Variants in PRSS16 observed in about 807,000 individuals in gnomAD.
PRSS16 encodes the protein thymus-specific serine protease.
PRSS16 carries 43 observed loss-of-function variants against 61.7 expected under a neutral mutation model. That is an observed-to-expected ratio of 0.70 (90% CI 0.55 to 0.90). The LOEUF (loss-of-function observed/expected upper bound fraction) is 0.90, where lower values mean the gene tolerates loss of function less well. Among genes scored for constraint, PRSS16 ranks in the 40% least tolerant of loss-of-function variants. PRSS16 has a pLI of 0.00. For synonymous variants in PRSS16, 273 were observed against 285.2 expected (o/e 0.96, Z 0.43); for missense variants, 591 against 659.1 (o/e 0.90, Z 1.13).
chr6:27,249,716 C>A (rs979974154), intron 4 of PRSS16, among the ~76,000 whole-genome samples: 46 of 152,198 alleles, frequency 3.0e-4, no homozygotes, highest in African/African-American at 1.0e-3. Context: ...TTTACAGTCG[C>A]CATGGAGTCC....
chr6:27,251,141 T>C lies in PRSS16; in HGVS notation c.669+22T>C. 1 of 1,614,020 alleles carries C rather than the reference T, an allele frequency of 6.2e-7. No homozygotes were observed. Among genetic ancestry groups the C allele is most frequent in the Non-Finnish European group, 8.5e-7 (1 of 1,180,024 alleles). On this transcript the variant is annotated intron_variant, in intron 6 of 11. Transcript: ENST00000230582. This position sits in a 1 kb window ranked among gnomAD's most constrained non-coding sequence, Gnocchi z 5.6. The stretch of plus-strand genomic sequence containing the variant: ...TGACGTAAGGATGGCGGGCAGCAGG[T>C]GCGGGACGGGGAGGGGTCCCAGCGG...
rs1216737510 is a variant in PRSS16 at position 27,247,778 on chromosome 6, T to C, written c.41T>C (p.Leu14Ser). 2 of 1,602,308 alleles carry C rather than the reference T, an allele frequency of 1.2e-6. No individual in the cohort carries two copies. Among genetic ancestry groups the C allele is most frequent in the Non-Finnish European group, 1.7e-6 (2 of 1,174,704 alleles). The stretch of plus-strand genomic sequence containing the variant: ...GCCCAGTGGCTGGGCCCTCTGCTCT[T>C]GGTTTCCCTCTGGGGACTCTTGGCT... ...WLAQWLGPLLLVSLWGLLAPA... is the reference protein window; with the variant it reads ...WLAQWLGPLLSVSLWGLLAPA... Residue 14 changes from leucine to serine, a missense_variant, in exon 1 of 12, where the codon TTG (leucine) becomes TCG (serine). Transcript: ENST00000230582.
Position 27,251,828 on chromosome 6 carries a change from C to G in PRSS16, c.796C>G (p.Arg266Gly). The G allele has an allele frequency of 6.2e-7, 1 of 1,611,744 alleles. No homozygotes were observed. The highest frequency in any genetic ancestry group is 8.5e-7 in the Non-Finnish European group (1 of 1,179,520). The change falls in exon 8 of 12, where the codon CGG becomes GGG. Residue 266 changes from arginine (R) to glycine (G), a missense_variant. Coordinates refer to ENST00000230582, the MANE Select transcript of PRSS16 (RefSeq NM_005865.4). This position sits in a 1 kb window ranked among gnomAD's most constrained non-coding sequence, Gnocchi z 5.6. Reference protein sequence around the residue: ...RSGGAAQAALRTELSACGPLG... With the variant: ...RSGGAAQAALGTELSACGPLG... Reference sequence around the variant, plus strand: ...GGGTGGGGCGGCTCAAGCAGCATTGCGGACGGAGCTGAGCGCTTGCGGGCC... The same window carrying G: ...GGGTGGGGCGGCTCAAGCAGCATTGGGGACGGAGCTGAGCGCTTGCGGGCC...
At position 27,249,136 on chromosome 6, in the gene PRSS16, TG is replaced by T; in HGVS notation, c.376del (p.Val126Ter). 1 of 1,593,368 alleles carries T rather than the reference TG, an allele frequency of 6.3e-7. No individual in the cohort carries two copies. Among genetic ancestry groups the T allele is most frequent in the Non-Finnish European group, 8.5e-7 (1 of 1,174,120 alleles). On this transcript the variant is annotated frameshift_variant, in exon 4 of 12. Transcript: ENST00000230582. LOFTEE classifies it high-confidence loss of function. ...PAALAPAWGA[L>X]VISLEHRFYG... is the part of the protein sequence containing the mutation. ...GCCTTGGCCCCAGCCTGGGGCGCCCTGGTGATAAGCCTGGAACACAGATTTT... is the reference window on the plus strand; with the variant it reads ...GCCTTGGCCCCAGCCTGGGGCGCCCTGTGATAAGCCTGGAACACAGATTTT...
In PRSS16 at chr6:27,250,766, G is replaced by A; in HGVS notation, c.551G>A (p.Gly184Asp). The change falls in exon 5 of 12, where the codon GGC (glycine) becomes GAC (aspartate). Residue 184 changes from glycine (G) to aspartate (D), a missense_variant. Physicochemically the swap from Gly to Asp is moderately conservative, Grantham distance 94. Transcript: ENST00000230582. ...TCCAGCCCCTGGATCTGCTTCGGAG[G>A]CTCCTATGCCGGCTCCTTGGCCGCC... ...SSSSPWICFGGSYAGSLAAWA... is the reference protein window; with the variant it reads ...SSSSPWICFGDSYAGSLAAWA... The A allele has an allele frequency of 6.2e-7, 1 of 1,613,522 alleles. No individual in the cohort carries two copies. The highest frequency in any genetic ancestry group is 8.5e-7 in the Non-Finnish European group (1 of 1,179,802).
rs1759900240 is a variant in PRSS16, at chr6:27,251,567, G to C, written c.718-183G>C. ...GCCTGCAGGGAAGACCCGAGAAGGA[G>C]GGCTGCGAGGCAGGGGATTGGGGGC... On this transcript the variant is annotated intron_variant, in intron 7 of 11. Coordinates refer to ENST00000230582, the MANE Select transcript of PRSS16 (RefSeq NM_005865.4). This position sits in a 1 kb window ranked among gnomAD's most constrained non-coding sequence, Gnocchi z 5.6. The C allele has an allele frequency of 8.5e-6, 7 of 819,690 alleles. No homozygotes were observed. 50.8% of individuals were successfully genotyped at this position (819,690 alleles called of 1,614,324 possible).
intron 9 of PRSS16, chr6:27,253,255 C>A: frequency 2.5e-6 from 1 of 405,406 alleles, no homozygotes; most frequent in South Asian, 2.5e-5. Flanking sequence ...AAACTTGAGC[C>A]TTGTTTTAGT....
chr6:27,251,498 G>C lies in PRSS16; in HGVS notation c.717+234G>C. On this transcript the variant is annotated intron_variant, in intron 7 of 11. Coordinates refer to ENST00000230582, the MANE Select transcript of PRSS16 (RefSeq NM_005865.4). This position sits in a 1 kb window ranked among gnomAD's most constrained non-coding sequence, Gnocchi z 5.6. ...GGTTTGGGCAGGGACAATCCTATCC[G>C]GAGGTGAGGCTCAAGGTGGGGCGGG... The C allele has an allele frequency of 1.4e-6, 1 of 728,466 alleles. No individual in the cohort carries two copies. The highest frequency in any genetic ancestry group is 2.2e-6 in the Non-Finnish European group (1 of 462,272). The allele number at this position is 728,466 out of a possible 1,614,324, so 45.1% of individuals were successfully genotyped here. A position where few individuals can be genotyped will look rare whatever the true frequency, so the allele number is the denominator to read the frequency against.
intron 4 of PRSS16, 124 bp downstream of exon 4, chr6:27,249,353 G>T: frequency 7.9e-7 from 1 of 1,260,298 alleles, no homozygotes. Flanking sequence ...GGTTCCCTCT[G>T]TTTTCTTCTG....
chr6:27,254,173 A>C (rs748615748), intron 9 of PRSS16: 1 of 153,336 alleles, frequency 6.5e-6, no homozygotes, highest in Non-Finnish European at 1.5e-5. Flanking sequence ...GGTTGCCACC[A>C]TGTGCCCAAC....
In PRSS16 at chr6:27,250,701, T is replaced by A. The variant is rs1312479617; in HGVS notation, c.486T>A (p.Ser162=). 1.9e-6 allele frequency: 3 copies of A among 1,612,642 alleles called. No homozygotes were observed. The South Asian group carries it at 3.3e-5, about 18-fold the overall frequency. ...SSRLALADVV[S]ARLALSRLFN... is the part of the protein sequence containing the mutation. ...ACCCTAGGCTGGCTGATGTGGTCTC[T>A]GCCCGCCTGGCACTTTCCCGCCTCT... Residue 162 remains serine (S), a synonymous_variant, in exon 5 of 12, where the codon TCT becomes TCA. Coordinates refer to ENST00000230582, the MANE Select transcript of PRSS16 (RefSeq NM_005865.4).
Position 27,247,886 on chromosome 6 carries a change from C to A in PRSS16, c.75C>A (p.Ser25=). 1 of 1,609,212 alleles carries A rather than the reference C, an allele frequency of 6.2e-7. No homozygotes were observed. Among genetic ancestry groups the A allele is most frequent in the Non-Finnish European group, 8.5e-7 (1 of 1,177,786 alleles). ...VSLWGLLAPA[S]LLRRLGEHIQ... is the part of the protein sequence containing the mutation. ...CCTTCCCTCCATGTCCCACAGCCTC[C>A]CTTCTTAGGCGCCTGGGTGAGCACA... Residue 25 remains serine, a synonymous_variant, in exon 2 of 12, where the codon TCC becomes TCA. Coordinates refer to ENST00000230582, the MANE Select transcript of PRSS16 (RefSeq NM_005865.4).
In PRSS16 at chr6:27,252,843, C is replaced by T. The variant is rs746722766; in HGVS notation, c.1044C>T (p.Ser348=). 1.5e-5 allele frequency: 24 copies of T among 1,614,004 alleles called. No homozygotes were observed. The highest frequency in any genetic ancestry group is 1.6e-5 in the Non-Finnish European group (19 of 1,180,042). ...ACAGCCTGGGCCAGAAGTGTTTAAGCTTTTCCCGAGCAGAGACAGTGGCAC... is the reference window on the plus strand; with the variant it reads ...ACAGCCTGGGCCAGAAGTGTTTAAGTTTTTCCCGAGCAGAGACAGTGGCAC... ...VLHSLGQKCL[S]FSRAETVAQL... is the part of the protein sequence containing the mutation. Residue 348 remains serine, a synonymous_variant, in exon 9 of 12, where the codon AGC becomes AGT. Coordinates refer to ENST00000230582, the MANE Select transcript of PRSS16 (RefSeq NM_005865.4). This position sits in a 1 kb window ranked among gnomAD's most constrained non-coding sequence, Gnocchi z 4.2.
At position 27,251,073 on chromosome 6, in the gene PRSS16, C is replaced by A. The variant is rs1334665603; in HGVS notation, c.623C>A (p.Ser208Tyr). ...CATCTCATTTTCGCGTCGGTCGCCT[C>A]CTCCGCCCCGGTGCGGGCCGTGCTG... Reference protein sequence around the residue: ...FPHLIFASVASSAPVRAVLDF... With the variant: ...FPHLIFASVAYSAPVRAVLDF... Residue 208 changes from serine to tyrosine, a missense_variant, in exon 6 of 12, where the codon TCC (serine) becomes TAC (tyrosine). Ser to Tyr is a moderately radical substitution (Grantham distance 144). Coordinates refer to ENST00000230582, the MANE Select transcript of PRSS16 (RefSeq NM_005865.4). The surrounding 1 kb of genome is among the most constrained non-coding windows in gnomAD (Gnocchi z 5.6). The A allele has an allele frequency of 6.2e-7, 1 of 1,613,994 alleles. No individual in the cohort carries two copies. The highest frequency in any genetic ancestry group is 2.2e-5 in the East Asian group (1 of 44,878).
intron 9 of PRSS16, 104 bp from the exon 10 acceptor site, chr6:27,254,589 T>C: frequency 4.5e-6 from 5 of 1,116,920 alleles, no homozygotes; most frequent in Non-Finnish European, 5.3e-6. Flanking sequence ...GAAGGGAGTA[T>C]TAGAAATGTT....
At position 27,250,703 on chromosome 6, in the gene PRSS16, C is replaced by G. The variant is rs367779428; in HGVS notation, c.488C>G (p.Ala163Gly). The stretch of plus-strand genomic sequence containing the variant: ...CCTAGGCTGGCTGATGTGGTCTCTG[C>G]CCGCCTGGCACTTTCCCGCCTCTTT... ...SRLALADVVSARLALSRLFNI... is the reference protein window; with the variant it reads ...SRLALADVVSGRLALSRLFNI... Residue 163 changes from alanine (A) to glycine (G), a missense_variant, in exon 5 of 12, where the codon GCC (alanine) becomes GGC (glycine). Coordinates refer to ENST00000230582, the MANE Select transcript of PRSS16 (RefSeq NM_005865.4). The G allele has an allele frequency of 4.3e-6, 7 of 1,612,648 alleles. No individual in the cohort carries two copies. In the African/African-American group the frequency reaches 5.3e-5, roughly 12 times the overall value.
rs1348819324 is a variant in PRSS16 at position 27,251,923 on chromosome 6, G to A, written c.891G>A (p.Gln297=). 3 of 1,612,776 alleles carry A rather than the reference G, an allele frequency of 1.9e-6. No homozygotes were observed. In the African/African-American group the frequency reaches 4.0e-5, roughly 22 times the overall value. ...ALQALVGGVV[Q]YDGQTGAPLS... is the part of the protein sequence containing the mutation. ...AGGCACTGGTGGGAGGTGTAGTGCA[G>A]TATGATGGGCAGACGGGAGCGCCGC... is the stretch of plus-strand genomic sequence containing the variant. Residue 297 remains glutamine, a synonymous_variant, in exon 8 of 12, where the codon CAG becomes CAA. Transcript: ENST00000230582. This position sits in a 1 kb window ranked among gnomAD's most constrained non-coding sequence, Gnocchi z 5.6.
chr6:27,254,232 A>T (rs1177490791), intron 9 of PRSS16: 2 of 155,624 alleles, frequency 1.3e-5, no homozygotes, highest in Admixed American at 1.3e-4. Flanking sequence ...ACAAATAGGG[A>T]GGGAAGGGAT....
intron 3 of PRSS16, 52 bp from the exon 4 acceptor site, chr6:27,249,048 A>T: frequency 7.4e-7 from 1 of 1,353,338 alleles, no homozygotes; most frequent in Non-Finnish European, 1.0e-6. Context: ...GAAAGGGCTT[A>T]AACTCAACTT....
Sources: gnomAD v4.1 joint callset for allele counts (sites outside exome capture counted in the v4.1 genomes callset) on GRCh38, gnomAD v4.1.1 for gene constraint, Gnocchi (gnomAD v3.1) non-coding constraint, MANE v1.5 for transcripts, NCBI Gene and HGNC (gene_info 2026-07-23, HGNC 2026-07-21) for gene names.